The following PRR16 variants were observed in gnomAD, a reference collection of about 807,000 sequenced individuals.
PRR16 encodes protein Largen.
PRR16 carries 6 observed loss-of-function variants against 18.2 expected under a neutral mutation model. That is an observed-to-expected ratio of 0.33 (90% CI 0.18 to 0.65). PRR16 has a LOEUF of 0.65. Ranked by LOEUF, PRR16 falls within the 30% of genes least tolerant of loss-of-function variation. PRR16 has a pLI of 0.74. For missense variants in PRR16, 412 were observed against 376.6 expected (o/e 1.09, Z -0.78); for synonymous variants, 151 against 147.8 (o/e 1.02, Z -0.16).
At chr5:120,525,695 A>C (rs561622191) in intron 1 of PRR16, among the ~76,000 whole-genome samples, 2 of 151,768 alleles carry the variant, frequency 1.3e-5, no homozygotes, top group South Asian at 4.2e-4. Flanking sequence ...TTTTACTTGA[A>C]AGTAATTAAT....
chr5:120,670,160 C>T (rs546071752), intron 1 of PRR16, among the ~76,000 whole-genome samples: 1 of 152,152 alleles, frequency 6.6e-6, no homozygotes, highest in African/African-American at 2.4e-5. Flanking sequence ...ATTGCCTTAA[C>T]ATTTTTAGAA....
intron 1 of PRR16, among the ~76,000 whole-genome samples, chr5:120,579,609 A>G (rs1052471737): frequency 6.6e-6 from 1 of 152,134 alleles, no homozygotes; most frequent in Non-Finnish European, 1.5e-5. Context: ...CTATTGGTCT[A>G]TATGTCTGTT....
intron 1 of PRR16, chr5:120,481,395 T>C: frequency 3.5e-6 from 1 of 282,220 alleles, no homozygotes; most frequent in African/African-American, 2.6e-5. Context: ...CCTCCCAAAG[T>C]GCTGGTGTTA....
chr5:120,686,868 T>C lies in PRR16; in HGVS notation c.*159T>C, dbSNP rs1310914029. On this transcript the variant is annotated 3_prime_UTR_variant, in exon 2 of 2. Coordinates refer to ENST00000407149, the MANE Select transcript of PRR16 (RefSeq NM_001300783.2). Reference sequence around the variant, plus strand: ...ACCTGGTAAGTATGCAGCACATTGCTTATATCCTGGGTATGCATTATTTTA... The same window carrying C: ...ACCTGGTAAGTATGCAGCACATTGCCTATATCCTGGGTATGCATTATTTTA... 6.2e-6 allele frequency: 3 copies of C among 480,572 alleles called. No homozygotes were observed. The highest frequency in any genetic ancestry group is 1.0e-5 in the Non-Finnish European group (3 of 291,372). 29.8% of individuals were successfully genotyped at this position (480,572 alleles called of 1,614,324 possible). A position where few individuals can be genotyped will look rare whatever the true frequency, so the allele number is the denominator to read the frequency against.
chr5:120,794,581 G>T, the PRR16 span, among the ~76,000 whole-genome samples: 1 of 152,072 alleles, frequency 6.6e-6, no homozygotes, highest in Non-Finnish European at 1.5e-5. Context: ...TGTGTGTTTT[G>T]ACTGTTTCAT....
chr5:120,774,758 G>C, the PRR16 span, among the ~76,000 whole-genome samples: 1 of 152,040 alleles, frequency 6.6e-6, no homozygotes, highest in African/African-American at 2.4e-5. Flanking sequence ...TAAACCAAGG[G>C]ATCTTAATTA....
chr5:120,694,633 C>T, the PRR16 span, among the ~76,000 whole-genome samples: 27 of 148,872 alleles, frequency 1.8e-4, no homozygotes, highest in Non-Finnish European at 3.7e-4. Context: ...TGCAGTGAGC[C>T]GAGATTGCGC....
At chr5:120,512,149 G>C (rs112182544) in intron 1 of PRR16, among the ~76,000 whole-genome samples, 14 of 78,826 alleles carry the variant, frequency 1.8e-4, no homozygotes, top group African/African-American at 1.2e-3. Context: ...GCATCCTGCT[G>C]TTCCTGGAAT....
intron 1 of PRR16, among the ~76,000 whole-genome samples, chr5:120,494,964 G>C (rs1247827104): frequency 6.6e-6 from 1 of 151,998 alleles, no homozygotes; most frequent in Non-Finnish European, 1.5e-5. Flanking sequence ...TCCTTCTGCT[G>C]TTACCACATA....
rs200382228 is a variant in PRR16, at chr5:120,521,676, C to CT, written c.159+57039dup. On this transcript the variant is annotated intron_variant, in intron 1 of 1. Coordinates refer to ENST00000407149, the MANE Select transcript of PRR16 (RefSeq NM_001300783.2). ...AACATTCAAAATCTCTTCTTCTTTTCTTTTTTTTATTATACTTTAAGTTCT... is the reference window on the plus strand; with the variant it reads ...AACATTCAAAATCTCTTCTTCTTTTCTTTTTTTTTATTATACTTTAAGTTCT... Among the ~76,000 whole-genome samples, 6 of 151,756 alleles carry CT rather than the reference C, an allele frequency of 4.0e-5. No homozygotes were observed. In the East Asian group the frequency reaches 5.9e-4, roughly 15 times the overall value.
intron 1 of PRR16, among the ~76,000 whole-genome samples, chr5:120,473,721 C>G (rs1365180259): frequency 1.3e-5 from 2 of 152,138 alleles, no homozygotes; most frequent in Non-Finnish European, 2.9e-5. Flanking sequence ...GGGAACAAAA[C>G]AGACAAAATT....
rs1554079110 is a variant in PRR16 at position 120,505,946 on chromosome 5, G to GTGTA, written c.159+41302_159+41303insGTAT. ...TATATATGTGTGTATGTGTGTGTGT[G>GTGTA]TATATATATATATATATATATATAC... is the stretch of plus-strand genomic sequence containing the variant. On this transcript the variant is annotated intron_variant, in intron 1 of 1. Coordinates refer to ENST00000407149, the MANE Select transcript of PRR16 (RefSeq NM_001300783.2). Among the ~76,000 whole-genome samples the GTGTA allele has an allele frequency of 3.4e-3, 485 of 141,296 alleles. 1 individual carries two copies. Among genetic ancestry groups the GTGTA allele is most frequent in the Admixed American group, 7.4e-3 (103 of 13,926 alleles). The allele number at this position is 141,296 out of a possible 152,430, so 92.7% of individuals were successfully genotyped here.
intron 1 of PRR16, among the ~76,000 whole-genome samples, chr5:120,484,643 A>T (rs1033307379): frequency 6.8e-6 from 1 of 146,772 alleles, no homozygotes; most frequent in African/African-American, 2.5e-5. Context: ...TATATAATAT[A>T]TATACACATT....
chr5:120,789,679 G>A, the PRR16 span, among the ~76,000 whole-genome samples: 1 of 151,994 alleles, frequency 6.6e-6, no homozygotes, highest in South Asian at 2.1e-4. Context: ...TCTAAACACT[G>A]TTAGGAATAA....
the PRR16 span, among the ~76,000 whole-genome samples, chr5:120,788,033 A>G: frequency 2.0e-5 from 3 of 151,882 alleles, no homozygotes; most frequent in African/African-American, 7.3e-5. Context: ...TTTCATAACT[A>G]GTAACATTTT....
At chr5:120,777,663 A>G in the PRR16 span, among the ~76,000 whole-genome samples, 1 of 152,258 alleles carries the variant, frequency 6.6e-6, no homozygotes, top group East Asian at 1.9e-4. Flanking sequence ...TAGGAAGTGA[A>G]AAAGCCAGGA....
intron 1 of PRR16, among the ~76,000 whole-genome samples, chr5:120,677,703 G>A (rs1756843705): frequency 1.3e-5 from 2 of 152,116 alleles, no homozygotes; most frequent in South Asian, 4.1e-4. Context: ...TGACAAGGAG[G>A]AGCTAAAGAT....
At chr5:120,502,414 A>C (rs1286734585) in intron 1 of PRR16, among the ~76,000 whole-genome samples, 1 of 151,080 alleles carries the variant, frequency 6.6e-6, no homozygotes, top group Non-Finnish European at 1.5e-5. Context: ...TTTGAACTAC[A>C]TGTAATAGTC....
At chr5:120,614,608 C>A (rs1335262910) in intron 1 of PRR16, among the ~76,000 whole-genome samples, 3 of 152,132 alleles carry the variant, frequency 2.0e-5, no homozygotes, top group Non-Finnish European at 4.4e-5. Flanking sequence ...GAGACTGTGT[C>A]TAATATACAT....
Sources: allele counts gnomAD v4.1 joint callset (sites outside exome capture counted in the v4.1 genomes callset), GRCh38; gene constraint gnomAD v4.1.1; transcripts MANE v1.5; gene names NCBI Gene and HGNC (gene_info 2026-07-23, HGNC 2026-07-21).